FREM1: variants seen among roughly 807,000 people sequenced by gnomAD.
FREM1 encodes FRAS1 related extracellular matrix 1, also known as FRAS1-related extracellular matrix protein 1.
A neutral mutation model predicts 210.1 loss-of-function variants in FREM1; 220 were observed. The ratio of observed to expected loss-of-function variants is 1.05; its 90% CI spans 0.94 to 1.17. The LOEUF (loss-of-function observed/expected upper bound fraction) is 1.17, where lower values mean the gene tolerates loss of function less well. FREM1 is among the 50% of genes most tolerant of loss of function. FREM1 has a pLI of 0.00. For missense variants in FREM1, 3,454 were observed against 2,675.5 expected (o/e 1.29, Z -6.42); for synonymous variants, 1,189 against 980.2 (o/e 1.21, Z -3.98).
At chr9:14,814,457 T>G (rs1819940135) in intron 15 of FREM1, among the ~76,000 whole-genome samples, 1 of 152,216 alleles carries the variant, frequency 6.6e-6, no homozygotes, top group Non-Finnish European at 1.5e-5. Context: ...CTGACTACCT[T>G]GTTATTTAAA....
chr9:14,828,874 C>A (rs1162941961), intron 10 of FREM1, among the ~76,000 whole-genome samples: 1 of 152,146 alleles, frequency 6.6e-6, no homozygotes, highest in African/African-American at 2.4e-5. Flanking sequence ...ATGGTGTAAA[C>A]CACATGGAAT....
At chr9:14,803,571 A>T (rs540784747) in intron 19 of FREM1, among the ~76,000 whole-genome samples, 2 of 152,000 alleles carry the variant, frequency 1.3e-5, no homozygotes, top group African/African-American at 4.8e-5. Flanking sequence ...GTTTTGCCAC[A>T]TTGCCCAGGC....
At chr9:14,862,013 T>A (rs548493555) in intron 3 of FREM1, among the ~76,000 whole-genome samples, 81 of 152,332 alleles carry the variant, frequency 5.3e-4, no homozygotes, top group Middle Eastern at 3.4e-3. Flanking sequence ...GCAAGTTCTT[T>A]GAAGTTATTT....
At chr9:14,798,348 G>A (rs1339421301) in intron 20 of FREM1, among the ~76,000 whole-genome samples, 3 of 152,174 alleles carry the variant, frequency 2.0e-5, no homozygotes, top group Non-Finnish European at 4.4e-5. Context: ...AGTGGTGAGC[G>A]CCTGTAGTCC....
chr9:14,857,707 G>A lies in FREM1; in HGVS notation c.674C>T (p.Pro225Leu), dbSNP rs185836404. ...GAGGCTTCCTATTTTCTTTAATCCT[G>A]GGGTACAGCTCCCACCTGGACACTT... ...KLKCPGGSCT[P>L]GLKKIGSLKV... is the part of the protein sequence containing the mutation. The change falls in exon 5 of 37, where the codon CCA (proline) becomes CTA (leucine). Residue 225 changes from proline (P) to leucine (L), a missense_variant. Transcript: ENST00000380880. 6.2e-6 allele frequency: 10 copies of A among 1,613,108 alleles called. No individual in the cohort carries two copies. The Admixed American group carries it at 1.2e-4, about 19-fold the overall frequency.
intron 28 of FREM1, among the ~76,000 whole-genome samples, chr9:14,758,909 T>TAC (rs1331430954): frequency 6.6e-6 from 1 of 152,186 alleles, no homozygotes; most frequent in African/African-American, 2.4e-5. Flanking sequence ...GGTGCCTGTA[T>TAC]TAGTATATGC....
intron 1 of FREM1, among the ~76,000 whole-genome samples, chr9:14,886,908 A>G (rs1835919170): frequency 6.6e-6 from 1 of 150,612 alleles, no homozygotes; most frequent in African/African-American, 2.4e-5. Flanking sequence ...AAAAAAAAAA[A>G]AAAAAAAAAA....
intron 24 of FREM1, among the ~76,000 whole-genome samples, chr9:14,783,567 C>T (rs771274707): frequency 7.9e-5 from 12 of 152,156 alleles, no homozygotes; most frequent in Admixed American, 2.6e-4. Flanking sequence ...TTCTCATGCC[C>T]GGCCTGGGGA....
In FREM1 at chr9:14,801,187, A is replaced by G. The variant is rs930379475; in HGVS notation, c.3694+465T>C. 2.0e-5 allele frequency among the ~76,000 whole-genome samples: 3 copies of G among 152,108 alleles called. No homozygotes were observed. The South Asian group carries it at 6.2e-4, about 32-fold the overall frequency. On this transcript the variant is annotated intron_variant, in intron 20 of 36. Transcript: ENST00000380880. ...TAATTTTTGTATTTTTAGTAGAGAC[A>G]GGGTTTCACCATGTTGGCCAGGCTG...
chr9:14,863,230 A>T (rs1281080869), intron 3 of FREM1, among the ~76,000 whole-genome samples: 1 of 151,200 alleles, frequency 6.6e-6, no homozygotes, highest in Non-Finnish European at 1.5e-5. Flanking sequence ...AGTCCCAGCT[A>T]CTCAGGAGGC....
chr9:14,852,695 A>T (rs574654630), intron 5 of FREM1, among the ~76,000 whole-genome samples: 2 of 152,276 alleles, frequency 1.3e-5, no homozygotes, highest in East Asian at 3.9e-4. Flanking sequence ...CTTTGTAAAG[A>T]AAAGAAAAGA....
chr9:14,806,704 G>A lies in FREM1; in HGVS notation c.3231C>T (p.Leu1077=). The A allele has an allele frequency of 6.2e-7, 1 of 1,603,046 alleles. No homozygotes were observed. The highest frequency in any genetic ancestry group is 1.7e-4 in the Middle Eastern group (1 of 6,054). Reference sequence around the variant, plus strand: ...TGCTTTTTTCAAAACCCACAGAAGGGAGTATATTTTCGAGGTAGCCAAACT... The same window carrying A: ...TGCTTTTTTCAAAACCCACAGAAGGAAGTATATTTTCGAGGTAGCCAAACT... ...PPQFGYLENI[L]PSVGFEKSNI... is the part of the protein sequence containing the mutation. Residue 1077 remains leucine (L), a synonymous_variant, in exon 18 of 37, where the codon CTC becomes CTT. Transcript: ENST00000380880.
chr9:14,776,126 G>A lies in FREM1; in HGVS notation c.4520C>T (p.Pro1507Leu). The A allele has an allele frequency of 1.3e-6, 2 of 1,591,736 alleles. No individual in the cohort carries two copies. Among genetic ancestry groups the A allele is most frequent in the Non-Finnish European group, 1.7e-6 (2 of 1,167,706 alleles). Reference protein sequence around the residue: ...ITLETVDRALPVVTRNKGLRL... With the variant: ...ITLETVDRALLVVTRNKGLRL... Reference sequence around the variant, plus strand: ...CAACCCCTTGTTCCTGGTTACCACAGGCAGGGCTCTGTCCACAGTCTCCAG... The same window carrying A: ...CAACCCCTTGTTCCTGGTTACCACAAGCAGGGCTCTGTCCACAGTCTCCAG... The change falls in exon 25 of 37, where the codon CCT becomes CTT. Residue 1507 changes from proline (P) to leucine (L), a missense_variant. Physicochemically the swap from Pro to Leu is moderately conservative, Grantham distance 98 (BLOSUM62 -3). Transcript: ENST00000380880.
At chr9:14,744,558 C>T (rs114693643) in intron 35 of FREM1, among the ~76,000 whole-genome samples, 3,403 of 151,976 alleles carry the variant, frequency 0.022, 82 homozygotes, top group African/African-American at 0.059. Flanking sequence ...CATTGTTGGA[C>T]GCTTCAGTAT....
chr9:14,780,464 G>A (rs1417659890), intron 24 of FREM1, among the ~76,000 whole-genome samples: 1 of 104,054 alleles, frequency 9.6e-6, no homozygotes, highest in Admixed American at 9.4e-5. Flanking sequence ...CAGCCGGCAT[G>A]TCAAAATGGA....
At position 14,784,435 on chromosome 9, in the gene FREM1, A is replaced by G. The variant is rs148327330; in HGVS notation, c.4377T>C (p.Asp1459=). 6.4e-4 allele frequency: 1,030 copies of G among 1,613,862 alleles called. 7 individuals are homozygous for G. The African/African-American group carries it at 0.012, about 19-fold the overall frequency. Residue 1459 remains aspartate (D), a synonymous_variant, in exon 24 of 37, where the codon GAT becomes GAC. Transcript: ENST00000380880. Reference sequence around the variant, plus strand: ...CATAGCAAACTGTCTGCCCCACTACATCCATTTGGCTGAAGTTTGTAATGG... The same window carrying G: ...CATAGCAAACTGTCTGCCCCACTACGTCCATTTGGCTGAAGTTTGTAATGG... ...GVPITNFSQM[D]VVGQTVCYVH... is the part of the protein sequence containing the mutation.
chr9:14,777,254 T>C (rs1044772286), intron 24 of FREM1, among the ~76,000 whole-genome samples: 1 of 152,236 alleles, frequency 6.6e-6, no homozygotes, highest in Non-Finnish European at 1.5e-5. Flanking sequence ...ACATTCTACC[T>C]ACTGAAGCCA....
intron 20 of FREM1, 41 bp from the exon 21 acceptor site, chr9:14,797,683 T>C (rs1852698051): frequency 9.8e-6 from 15 of 1,528,050 alleles, no homozygotes; most frequent in Non-Finnish European, 1.3e-5. Flanking sequence ...TCCTTATGAT[T>C]GAACCATCAT....
intron 1 of FREM1, among the ~76,000 whole-genome samples, chr9:14,903,456 G>T (rs1839134242): frequency 6.6e-6 from 1 of 152,108 alleles, no homozygotes; most frequent in South Asian, 2.1e-4. Flanking sequence ...GTTAAAAGGG[G>T]CTATTTTATA....
Sources: allele counts gnomAD v4.1 joint callset (sites outside exome capture counted in the v4.1 genomes callset), GRCh38; gene constraint gnomAD v4.1.1; transcripts MANE v1.5; gene names NCBI Gene and HGNC (gene_info 2026-07-23, HGNC 2026-07-21).